The following RAD51B variants were observed in gnomAD, a reference collection of about 807,000 sequenced individuals.
The protein encoded by RAD51B is DNA repair protein RAD51 homolog 2.
A neutral mutation model predicts 42.2 loss-of-function variants in RAD51B; 38 were observed. The observed-to-expected ratio is 0.90, with a 90% CI of 0.70 to 1.18. RAD51B has a LOEUF of 1.18. Ranked by LOEUF, RAD51B falls within the 50% of genes most tolerant of loss-of-function variation. RAD51B has a pLI of 0.00. For synonymous variants in RAD51B, 154 were observed against 145.2 expected, an observed-to-expected ratio of 1.06 and a Z score of -0.43; for missense variants, 373 against 400.7, an observed-to-expected ratio of 0.93 and a Z score of 0.59.
At chr14:68,574,331 A>T (rs2842323) in intron 10 of RAD51B, among the ~76,000 whole-genome samples, 147,179 of 152,206 alleles carry the variant, frequency 0.97, 71,378 homozygotes, top group East Asian at 1. Flanking sequence ...CAAGCGATCC[A>T]CCCGCCTTGG....
intron 7 of RAD51B, among the ~76,000 whole-genome samples, chr14:68,000,928 C>T (rs923002313): frequency 2.0e-5 from 3 of 152,020 alleles, no homozygotes; most frequent in Admixed American, 6.6e-5. Context: ...AGAATTACAT[C>T]GAATTCATAA....
At chr14:67,928,731 C>T (rs1465650796) in intron 7 of RAD51B, among the ~76,000 whole-genome samples, 1 of 151,918 alleles carries the variant, frequency 6.6e-6, no homozygotes, top group Non-Finnish European at 1.5e-5. Context: ...CTTTAAGCCG[C>T]CTTTTCTGTT....
chr14:68,366,383 C>A (rs775639324), intron 8 of RAD51B, among the ~76,000 whole-genome samples: 2 of 152,122 alleles, frequency 1.3e-5, no homozygotes, highest in Non-Finnish European at 2.9e-5. Context: ...ATTTGGTATT[C>A]ATTGTAAAGG....
At chr14:68,313,630 C>A (rs1234271577) in intron 8 of RAD51B, among the ~76,000 whole-genome samples, 1 of 152,160 alleles carries the variant, frequency 6.6e-6, no homozygotes, top group Non-Finnish European at 1.5e-5. Context: ...GCCATCTGGG[C>A]ATTTTGGGCA....
intron 5 of RAD51B, among the ~76,000 whole-genome samples, chr14:67,877,275 C>T (rs1049128456): frequency 3.3e-5 from 5 of 151,906 alleles, no homozygotes; most frequent in African/African-American, 7.3e-5. Context: ...AGGTAAGGAG[C>T]GGGGTATTAT....
chr14:68,296,455 T>C lies in RAD51B; in HGVS notation c.853+4475T>C, dbSNP rs2081616171. ...CTTAGCCCTTGCCAATTCTTCCTTA[T>C]GGTCATTGGAGATACTAAGAACTGT... On this transcript the variant is annotated intron_variant, in intron 8 of 10. Transcript: ENST00000471583. Among the ~76,000 whole-genome samples, 3 of 152,322 alleles carry C rather than the reference T, an allele frequency of 2.0e-5. No individual in the cohort carries two copies. The South Asian group carries it at 6.2e-4, about 32-fold the overall frequency.
intron 10 of RAD51B, chr14:68,563,406 C>G (rs1815281007): frequency 1.0e-6 from 1 of 985,384 alleles, no homozygotes; most frequent in Admixed American, 6.1e-5. Context: ...CCCCCAAGTC[C>G]AGAGCCCAGT....
At chr14:68,162,357 T>G (rs1452289517) in intron 7 of RAD51B, among the ~76,000 whole-genome samples, 2 of 152,220 alleles carry the variant, frequency 1.3e-5, no homozygotes, top group Non-Finnish European at 2.9e-5. Flanking sequence ...TCCTATAATT[T>G]TTTTCTTAAA....
chr14:68,009,028 A>C (rs1225082922), intron 7 of RAD51B, among the ~76,000 whole-genome samples: 2 of 152,002 alleles, frequency 1.3e-5, no homozygotes, highest in African/African-American at 2.4e-5. Flanking sequence ...ACATTTTTAA[A>C]AAACTATTGT....
Position 68,018,376 on chromosome 14 carries a change from A to C in RAD51B, c.756+131172A>C, listed in dbSNP as rs907060773. ...ATAAATAATCTGTAGCGTACCTTGTAGAAGGAAAATGCTTTCCTAATTACT... is the reference window on the plus strand; with the variant it reads ...ATAAATAATCTGTAGCGTACCTTGTCGAAGGAAAATGCTTTCCTAATTACT... On this transcript the variant is annotated intron_variant, in intron 7 of 10. Coordinates refer to ENST00000471583, the MANE Select transcript of RAD51B (RefSeq NM_133510.4). Among the ~76,000 whole-genome samples, 3 of 152,234 alleles carry C rather than the reference A, an allele frequency of 2.0e-5. No homozygotes were observed. In the South Asian group the frequency reaches 6.2e-4, roughly 32 times the overall value.
intron 8 of RAD51B, among the ~76,000 whole-genome samples, chr14:68,327,426 T>C (rs150181313): frequency 2.0e-5 from 3 of 151,626 alleles, no homozygotes; most frequent in Admixed American, 6.6e-5. Flanking sequence ...CCCCTTTTTC[T>C]GTCTACTGCT....
At chr14:68,200,740 A>C (rs1190077040) in intron 7 of RAD51B, among the ~76,000 whole-genome samples, 4 of 152,118 alleles carry the variant, frequency 2.6e-5, no homozygotes, top group Non-Finnish European at 5.9e-5. Context: ...TGTAGCCTCA[A>C]CCTTGCAGGT....
intron 10 of RAD51B, among the ~76,000 whole-genome samples, chr14:68,503,556 G>A (rs1472400893): frequency 6.6e-6 from 1 of 152,122 alleles, no homozygotes. Flanking sequence ...CCATTTTCCA[G>A]GTGACAAACA....
At chr14:68,654,489 G>A (rs372427417) in intron 11 of RAD51B, among the ~76,000 whole-genome samples, 22 of 152,260 alleles carry the variant, frequency 1.4e-4, no homozygotes, top group South Asian at 6.2e-4. Context: ...TAATTTTGTC[G>A]CTGTCAGTGC....
intron 10 of RAD51B, among the ~76,000 whole-genome samples, chr14:68,592,353 C>T (rs1024255747): frequency 3.3e-5 from 5 of 151,714 alleles, no homozygotes; most frequent in East Asian, 3.9e-4. Flanking sequence ...ATGTTGTAAG[C>T]GTATGCACCC....
At chr14:68,368,396 A>G (rs2083185810) in intron 8 of RAD51B, among the ~76,000 whole-genome samples, 1 of 152,242 alleles carries the variant, frequency 6.6e-6, no homozygotes, top group Non-Finnish European at 1.5e-5. Flanking sequence ...CTGCCAGAGT[A>G]AAGGCAGAAT....
chr14:67,960,017 G>A (rs541259901), intron 7 of RAD51B, among the ~76,000 whole-genome samples: 16 of 152,154 alleles, frequency 1.1e-4, no homozygotes, highest in African/African-American at 3.4e-4. Flanking sequence ...CCTGGGAGGC[G>A]GAGGTTGCAA....
intron 7 of RAD51B, among the ~76,000 whole-genome samples, chr14:68,239,344 C>T (rs560930654): frequency 5.3e-5 from 8 of 152,274 alleles, no homozygotes; most frequent in Admixed American, 3.3e-4. Context: ...ACTGAGAAAT[C>T]CTAAGTGTGT....
intron 10 of RAD51B, among the ~76,000 whole-genome samples, chr14:68,609,426 G>A (rs778716821): frequency 9.9e-5 from 15 of 152,040 alleles, no homozygotes; most frequent in Non-Finnish European, 1.5e-4. Context: ...AGGGCCCCTG[G>A]AGTCTCCTCT....
Sources: allele counts gnomAD v4.1 joint callset (sites outside exome capture counted in the v4.1 genomes callset), GRCh38; gene constraint gnomAD v4.1.1; transcripts MANE v1.5; gene names NCBI Gene and HGNC (gene_info 2026-07-23, HGNC 2026-07-21).